ZFPM2: variants seen among roughly 807,000 people sequenced by gnomAD.
ZFPM2 encodes zinc finger protein, FOG family member 2.
In ZFPM2, 20 loss-of-function variants were observed where a neutral mutation model predicts 98.6. The observed-to-expected ratio is 0.20, with a 90% CI of 0.14 to 0.29. The LOEUF (loss-of-function observed/expected upper bound fraction) is 0.29. Ranked by LOEUF, ZFPM2 falls within the 10% of genes least tolerant of loss-of-function variation. The pLI is 1.00. For synonymous variants in ZFPM2, 518 were observed against 502.7 expected (o/e 1.03, Z -0.41); for missense variants, 1,310 against 1,388.6 (o/e 0.94, Z 0.90).
intron 6 of ZFPM2, among the ~76,000 whole-genome samples, chr8:105,791,876 A>C (rs1190249745): frequency 6.6e-6 from 1 of 152,086 alleles, no homozygotes; most frequent in Non-Finnish European, 1.5e-5. Context: ...GTTTATTTGC[A>C]TAGAGGTGTT....
rs114109553 is a variant in ZFPM2, at chr8:105,590,264, G to A, written c.420+28783G>A. 9.2e-3 allele frequency among the ~76,000 whole-genome samples: 1,396 copies of A among 152,270 alleles called. 25 individuals are homozygous for A. The highest frequency in any genetic ancestry group is 0.032 in the African/African-American group (1,347 of 41,556). On this transcript the variant is annotated intron_variant, in intron 4 of 7. Coordinates refer to ENST00000407775, the MANE Select transcript of ZFPM2 (RefSeq NM_012082.4). ...GCTTCCAGTAATGTCACTGTGAGATGCTGAGACTAAGAAACGCCCTCTAAT... is the reference window on the plus strand; with the variant it reads ...GCTTCCAGTAATGTCACTGTGAGATACTGAGACTAAGAAACGCCCTCTAAT...
chr8:105,432,148 A>G (rs919266632), intron 2 of ZFPM2, among the ~76,000 whole-genome samples: 21 of 152,116 alleles, frequency 1.4e-4, no homozygotes, highest in Non-Finnish European at 2.4e-4. Flanking sequence ...GACGAAGCAT[A>G]AAGAGGAAGA....
chr8:105,651,912 T>A (rs1817186432), intron 5 of ZFPM2, among the ~76,000 whole-genome samples: 1 of 152,186 alleles, frequency 6.6e-6, no homozygotes, highest in African/African-American at 2.4e-5. Flanking sequence ...AATGTAACAT[T>A]CCTTAGTGAG....
intron 4 of ZFPM2, among the ~76,000 whole-genome samples, chr8:105,613,782 ACCGTG>A (rs1296907843): frequency 3.3e-5 from 5 of 152,154 alleles, no homozygotes; most frequent in African/African-American, 4.8e-5. Context: ...TAAAAATAGT[ACCGTG>A]AGAAAAGATT....
intron 3 of ZFPM2, among the ~76,000 whole-genome samples, chr8:105,494,376 C>T (rs1440946754): frequency 6.6e-6 from 1 of 151,342 alleles, no homozygotes. Context: ...CTCTTGGGTA[C>T]CTCCCACACC....
intron 1 of ZFPM2, among the ~76,000 whole-genome samples, chr8:105,384,291 G>A (rs1468694306): frequency 2.0e-5 from 3 of 152,014 alleles, no homozygotes; most frequent in Admixed American, 6.6e-5. Context: ...GATGACCCAC[G>A]CAAAGCTCCC....
intron 2 of ZFPM2, among the ~76,000 whole-genome samples, chr8:105,441,910 C>T (rs1424637018): frequency 6.6e-6 from 1 of 152,014 alleles, no homozygotes; most frequent in East Asian, 1.9e-4. Flanking sequence ...TCAGGGCTAG[C>T]GTCTATGTAA....
At chr8:105,547,309 G>A (rs1466000355) in intron 3 of ZFPM2, among the ~76,000 whole-genome samples, 1 of 151,962 alleles carries the variant, frequency 6.6e-6, no homozygotes, top group South Asian at 2.1e-4. Flanking sequence ...TTGGGAGGCC[G>A]AGGCGGGTGG....
chr8:105,438,611 G>A (rs1011180678), intron 2 of ZFPM2, among the ~76,000 whole-genome samples: 1 of 152,034 alleles, frequency 6.6e-6, no homozygotes, highest in Non-Finnish European at 1.5e-5. Context: ...CTTAACCATG[G>A]TCTCACAAAA....
At chr8:105,741,787 G>A (rs1448860836) in intron 5 of ZFPM2, among the ~76,000 whole-genome samples, 1 of 152,070 alleles carries the variant, frequency 6.6e-6, no homozygotes, top group African/African-American at 2.4e-5. Context: ...ATTGCTTTGT[G>A]TTTTCCTTCA....
chr8:105,398,271 C>T (rs574953769), intron 1 of ZFPM2, among the ~76,000 whole-genome samples: 4 of 152,090 alleles, frequency 2.6e-5, no homozygotes, highest in African/African-American at 9.7e-5. Flanking sequence ...ATATTGAACA[C>T]TTCTCTGTGT....
At chr8:105,432,324 A>G (rs1812036978) in intron 2 of ZFPM2, among the ~76,000 whole-genome samples, 1 of 152,186 alleles carries the variant, frequency 6.6e-6, no homozygotes, top group Non-Finnish European at 1.5e-5. Flanking sequence ...GAGCTCTGAG[A>G]GTCATTCATC....
intron 4 of ZFPM2, among the ~76,000 whole-genome samples, chr8:105,584,185 T>A (rs1368589399): frequency 6.6e-6 from 1 of 152,134 alleles, no homozygotes; most frequent in Non-Finnish European, 1.5e-5. Context: ...TTATCAGGAA[T>A]GTACTCTGCA....
chr8:105,605,780 T>C (rs1424989987), intron 4 of ZFPM2, among the ~76,000 whole-genome samples: 2 of 152,128 alleles, frequency 1.3e-5, no homozygotes, highest in African/African-American at 4.8e-5. Context: ...CTGTATGCAA[T>C]GCTCTCCATT....
Position 105,498,134 on chromosome 8 carries a change from G to A in ZFPM2, c.301+53753G>A, listed in dbSNP as rs117397072. 6.3e-4 allele frequency among the ~76,000 whole-genome samples: 95 copies of A among 152,000 alleles called. No homozygotes were observed. The East Asian group carries it at 0.015, about 24-fold the overall frequency. ...GATCACTTGAGCCCAGGAGGTTGAGGCTGCAATGAGCTTTGATCATACCAC... is the reference window on the plus strand; with the variant it reads ...GATCACTTGAGCCCAGGAGGTTGAGACTGCAATGAGCTTTGATCATACCAC... On this transcript the variant is annotated intron_variant, in intron 3 of 7. Coordinates refer to ENST00000407775, the MANE Select transcript of ZFPM2 (RefSeq NM_012082.4).
In ZFPM2 at chr8:105,621,929, A is replaced by G. The variant is rs1816560185; in HGVS notation, c.421-12317A>G. On this transcript the variant is annotated intron_variant, in intron 4 of 7. Transcript: ENST00000407775. Reference sequence around the variant, plus strand: ...TTTGTTACATAGGTATACATGTGCCATGTCGGTGTGCTGCACCACATGAAA... The same window carrying G: ...TTTGTTACATAGGTATACATGTGCCGTGTCGGTGTGCTGCACCACATGAAA... Among the ~76,000 whole-genome samples, 3 of 152,150 alleles carry G rather than the reference A, an allele frequency of 2.0e-5. No individual in the cohort carries two copies. The South Asian group carries it at 6.2e-4, about 31-fold the overall frequency.
At chr8:105,749,744 G>C (rs75388433) in intron 5 of ZFPM2, among the ~76,000 whole-genome samples, 138 of 151,948 alleles carry the variant, frequency 9.1e-4, no homozygotes, top group African/African-American at 3.3e-3. Context: ...AAGCAAGTAA[G>C]AAAGAAAGGA....
At chr8:105,779,871 G>C (rs572121435) in intron 5 of ZFPM2, among the ~76,000 whole-genome samples, 1 of 152,242 alleles carries the variant, frequency 6.6e-6, no homozygotes, top group Non-Finnish European at 1.5e-5. Flanking sequence ...AGTAACAGGC[G>C]CATGAATTTC....
intron 3 of ZFPM2, among the ~76,000 whole-genome samples, chr8:105,554,421 A>G (rs1040889529): frequency 1.3e-5 from 2 of 152,158 alleles, no homozygotes; most frequent in Non-Finnish European, 2.9e-5. Flanking sequence ...GCTGACTTTG[A>G]AAATGTTTTG....
Sources: allele counts gnomAD v4.1 joint callset (sites outside exome capture counted in the v4.1 genomes callset), GRCh38; gene constraint gnomAD v4.1.1; transcripts MANE v1.5; gene names NCBI Gene and HGNC (gene_info 2026-07-23, HGNC 2026-07-21).